The following CPSF7 variants were observed in gnomAD, a reference collection of about 807,000 sequenced individuals.
CPSF7 encodes cleavage and polyadenylation specificity factor subunit 7.
Under a neutral mutation model 44.3 loss-of-function variants are expected in CPSF7, and 1 was observed. The ratio of observed to expected loss-of-function variants is 0.02; its 90% CI spans 0.01 to 0.11. The LOEUF is 0.11. Among genes scored for constraint, CPSF7 ranks in the 10% least tolerant of loss-of-function variants. CPSF7 has a pLI of 1.00. For missense variants in CPSF7, 443 were observed against 607.2 expected (o/e 0.73, Z 2.84); for synonymous variants, 202 against 222.0 (o/e 0.91, Z 0.80).
intron 2 of CPSF7, chr11:61,426,569 CTTTT>C (rs1861363136): frequency 6.6e-6 from 1 of 152,114 alleles, no homozygotes; most frequent in South Asian, 2.1e-4. Flanking sequence ...TAAAAAAGTC[CTTTT>C]TAACTGAGGA....
At chr11:61,411,666 G>C in intron 8 of CPSF7, 103 bp downstream of exon 8, 2 of 1,055,832 alleles carry the variant, frequency 1.9e-6, no homozygotes, top group Non-Finnish European at 2.7e-6. Flanking sequence ...CAGACTTTCG[G>C]CCAGGTCTTT....
At chr11:61,415,991 A>C in intron 6 of CPSF7, 114 bp downstream of exon 6, 1 of 1,068,996 alleles carries the variant, frequency 9.4e-7, no homozygotes, top group Non-Finnish European at 1.3e-6. Context: ...CTATGATAAC[A>C]GAATGTCTAT....
Position 61,420,490 on chromosome 11 carries a change from T to C in CPSF7, c.357A>G (p.Arg119=). 1 of 1,613,866 alleles carries C rather than the reference T, an allele frequency of 6.2e-7. No homozygotes were observed. The highest frequency in any genetic ancestry group is 2.2e-5 in the East Asian group (1 of 44,884). ...CTCACCCTTTGGACTGGCCATTTGC[T>C]CGATTCTCTGCAAATTTCAACTCCA... is the stretch of plus-strand genomic sequence containing the variant. The part of the protein sequence containing the change: ...DVVELKFAEN[R]ANGQSKGYAE... The change falls in exon 4 of 10, where the codon CGA becomes CGG. Residue 119 remains arginine (R), a synonymous_variant. Coordinates refer to ENST00000439958, the MANE Select transcript of CPSF7 (RefSeq NM_001142565.3).
rs910935283 is a variant in CPSF7, at chr11:61,402,881, T to C, written c.*1829A>G. ...GAAATAAAACTAAAAATGGTGTCAT[T>C]GAGTAAAAACAAAACAAATGGGGAG... On this transcript the variant is annotated 3_prime_UTR_variant, in exon 10 of 10. Coordinates refer to ENST00000439958, the MANE Select transcript of CPSF7 (RefSeq NM_001142565.3). 5 of 152,510 alleles carry C rather than the reference T, an allele frequency of 3.3e-5. No homozygotes were observed. Among genetic ancestry groups the C allele is most frequent in the Non-Finnish European group, 7.4e-5 (5 of 68,026 alleles). The allele number at this position is 152,510 out of a possible 1,614,324, so 9.4% of individuals were successfully genotyped here.
At chr11:61,411,407 A>G in intron 8 of CPSF7, among the ~76,000 whole-genome samples, 1 of 152,186 alleles carries the variant, frequency 6.6e-6, no homozygotes, top group East Asian at 1.9e-4. Context: ...TTTTTAGAAA[A>G]TGAGAAAAAT....
At chr11:61,409,960 G>GCT (rs763312309) in intron 9 of CPSF7, among the ~76,000 whole-genome samples, 2 of 151,648 alleles carry the variant, frequency 1.3e-5, no homozygotes, top group Non-Finnish European at 2.9e-5. Flanking sequence ...GCAAAGTGAG[G>GCT]CTCTGTCTCA....
Position 61,421,590 on chromosome 11 carries a change from T to C in CPSF7, c.73A>G (p.Thr25Ala). 6.2e-7 allele frequency: 1 copy of C among 1,613,554 alleles called. No homozygotes were observed. Among genetic ancestry groups the C allele is most frequent in the South Asian group, 1.1e-5 (1 of 91,062 alleles). The change falls in exon 3 of 10, where the codon ACA becomes GCA. Residue 25 changes from threonine (T) to alanine (A), a missense_variant. Physicochemically the swap from Thr to Ala is moderately conservative, Grantham distance 58. Coordinates refer to ENST00000439958, the MANE Select transcript of CPSF7 (RefSeq NM_001142565.3). ...EFNQDPEFNN[T>A]DQIDLYDDVL... ...TCATCATACAGGTCAATCTGATCTGTATTGTTGAACTCTGGGTCCTAAGAG... is the reference window on the plus strand; with the variant it reads ...TCATCATACAGGTCAATCTGATCTGCATTGTTGAACTCTGGGTCCTAAGAG...
chr11:61,419,274 G>A (rs997652341), intron 5 of CPSF7, among the ~76,000 whole-genome samples: 3 of 152,020 alleles, frequency 2.0e-5, no homozygotes, highest in African/African-American at 4.8e-5. Context: ...CACCCACCTC[G>A]GCCTCTCAAA....
At chr11:61,411,332 T>C (rs1258142148) in intron 8 of CPSF7, among the ~76,000 whole-genome samples, 1 of 152,212 alleles carries the variant, frequency 6.6e-6, no homozygotes, top group Non-Finnish European at 1.5e-5. Context: ...TGCTAATAAT[T>C]TTGTATGGAT....
chr11:61,406,007 G>C (rs1859286896), intron 9 of CPSF7: 2 of 152,200 alleles, frequency 1.3e-5, no homozygotes, highest in African/African-American at 4.8e-5. Flanking sequence ...ACGAGGACAG[G>C]AATGACGTGA....
intron 9 of CPSF7, among the ~76,000 whole-genome samples, chr11:61,405,686 A>C (rs977839257): frequency 2.0e-5 from 3 of 152,242 alleles, no homozygotes; most frequent in Non-Finnish European, 4.4e-5. Flanking sequence ...AACTGGCAAC[A>C]CAGCCTACGC....
chr11:61,420,639 AACC>A, intron 3 of CPSF7, 66 bp from the exon 4 acceptor site: 2 of 1,269,218 alleles, frequency 1.6e-6, no homozygotes, highest in South Asian at 2.4e-5. Context: ...CAATGTCCCA[AACC>A]CAGGATTCTA....
intron 2 of CPSF7, among the ~76,000 whole-genome samples, chr11:61,423,006 A>G (rs1451087398): frequency 6.7e-6 from 1 of 149,022 alleles, no homozygotes; most frequent in South Asian, 2.1e-4. Flanking sequence ...GGTGGCACAC[A>G]TCTATAGTCC....
At chr11:61,408,853 C>T (rs906609753) in intron 9 of CPSF7, among the ~76,000 whole-genome samples, 1 of 152,192 alleles carries the variant, frequency 6.6e-6, no homozygotes, top group South Asian at 2.1e-4. Context: ...GAGTTTTTAT[C>T]CCAACCTTCC....
intron 7 of CPSF7, among the ~76,000 whole-genome samples, chr11:61,415,249 A>G (rs1381023445): frequency 6.6e-6 from 1 of 152,002 alleles, no homozygotes; most frequent in Non-Finnish European, 1.5e-5. Flanking sequence ...AAACAAACAA[A>G]CAAAAAAACA....
chr11:61,429,035 TTTA>T (rs1861667376), intron 2 of CPSF7, 144 bp downstream of exon 2: 1 of 554,762 alleles, frequency 1.8e-6, no homozygotes, highest in African/African-American at 1.9e-5. Context: ...GAGTGTAGTC[TTTA>T]AAGTTTCTGC....
At chr11:61,420,647 A>G in intron 3 of CPSF7, 74 bp from the exon 4 acceptor site, 1 of 1,172,910 alleles carries the variant, frequency 8.5e-7, no homozygotes, top group South Asian at 1.2e-5. Flanking sequence ...CAAACCCAGG[A>G]TTCTAGTCAC....
At chr11:61,425,696 G>T (rs1383667873) in intron 2 of CPSF7, among the ~76,000 whole-genome samples, 1 of 152,028 alleles carries the variant, frequency 6.6e-6, no homozygotes, top group African/African-American at 2.4e-5. Context: ...TCTTTTAATT[G>T]TAACCAAGGC....
At chr11:61,419,285 G>A (rs886450539) in intron 5 of CPSF7, among the ~76,000 whole-genome samples, 12 of 152,218 alleles carry the variant, frequency 7.9e-5, no homozygotes, top group Non-Finnish European at 1.8e-4. Context: ...GCCTCTCAAA[G>A]TGCTGGGATT....
Sources: gnomAD v4.1 joint callset for allele counts (sites outside exome capture counted in the v4.1 genomes callset) on GRCh38, gnomAD v4.1.1 for gene constraint, MANE v1.5 for transcripts, NCBI Gene and HGNC (gene_info 2026-07-23, HGNC 2026-07-21) for gene names.